The following PAAF1 variants were observed in gnomAD, a reference collection of about 807,000 sequenced individuals.
PAAF1 encodes the protein proteasomal ATPase associated factor 1, also known as proteasomal ATPase-associated factor 1.
In PAAF1, 46 loss-of-function variants were observed where a neutral mutation model predicts 52.8. The ratio of observed to expected loss-of-function variants is 0.87; its 90% CI spans 0.69 to 1.11. The LOEUF (loss-of-function observed/expected upper bound fraction) is 1.11, where lower values mean the gene tolerates loss of function less well. Ranked by LOEUF, PAAF1 falls within the 50% of genes most tolerant of loss-of-function variation. PAAF1 has a pLI of 0.00. For missense variants in PAAF1, 424 were observed against 477.4 expected (o/e 0.89, Z 1.04); for synonymous variants, 178 against 172.8 (o/e 1.03, Z -0.24).
chr11:73,905,284 C>T (rs1034697909), intron 6 of PAAF1, among the ~76,000 whole-genome samples: 2 of 151,690 alleles, frequency 1.3e-5, no homozygotes, highest in African/African-American at 4.8e-5. Flanking sequence ...TGTGCAGTGG[C>T]GTGATCTCAG....
chr11:73,915,579 G>C (rs567520787), intron 8 of PAAF1, among the ~76,000 whole-genome samples: 1 of 152,314 alleles, frequency 6.6e-6, no homozygotes, highest in South Asian at 2.1e-4. Flanking sequence ...CTGTACTCCA[G>C]CCTGGGGAAC....
intron 6 of PAAF1, among the ~76,000 whole-genome samples, chr11:73,900,918 C>T (rs910321634): frequency 7.6e-6 from 1 of 131,622 alleles, no homozygotes; most frequent in South Asian, 2.5e-4. Context: ...GGAGGCGGAG[C>T]TTGCAGTGAG....
intron 8 of PAAF1, among the ~76,000 whole-genome samples, chr11:73,914,841 G>A (rs886728626): frequency 2.0e-5 from 3 of 151,676 alleles, no homozygotes; most frequent in Admixed American, 1.3e-4. Flanking sequence ...CTGAGTAGCT[G>A]GGATTACAAG....
At chr11:73,897,290 C>T (rs1313980410) in intron 4 of PAAF1, among the ~76,000 whole-genome samples, 1 of 151,724 alleles carries the variant, frequency 6.6e-6, no homozygotes, top group African/African-American at 2.4e-5. Context: ...GGGCTGACCC[C>T]CCCACTTCCC....
intron 4 of PAAF1, among the ~76,000 whole-genome samples, chr11:73,898,250 A>AGAGGGAGAG (rs1565135471): frequency 3.3e-5 from 4 of 123,042 alleles, no homozygotes; most frequent in Non-Finnish European, 5.4e-5. Flanking sequence ...GAGAGGGAGA[A>AGAGGGAGAG]GGAGAGGGAG....
At position 73,909,571 on chromosome 11, in the gene PAAF1, T is replaced by C; in HGVS notation, c.705T>C (p.Leu235=). ...GTGCTGCTGACAACTCCATAAACCTTGGCTCCCCTGAGCAGATGCCCAGTA... is the reference window on the plus strand; with the variant it reads ...GTGCTGCTGACAACTCCATAAACCTCGGCTCCCCTGAGCAGATGCCCAGTA... ...AVGAADNSIN[L]GSPEQMPSER... The change falls in exon 7 of 12, where the codon CTT becomes CTC. Residue 235 remains leucine (L), a synonymous_variant. Coordinates refer to ENST00000310571, the MANE Select transcript of PAAF1 (RefSeq NM_025155.3). 1 of 1,614,198 alleles carries C rather than the reference T, an allele frequency of 6.2e-7. No homozygotes were observed. Among genetic ancestry groups the C allele is most frequent in the Non-Finnish European group, 8.5e-7 (1 of 1,180,020 alleles).
chr11:73,909,351 G>T, intron 6 of PAAF1, 48 bp from the exon 7 acceptor site: 1 of 1,571,034 alleles, frequency 6.4e-7, no homozygotes, highest in Non-Finnish European at 8.7e-7. Flanking sequence ...TGCCCTTGTA[G>T]TTCCTTTACT....
At chr11:73,919,115 G>A in intron 10 of PAAF1, 83 bp downstream of exon 10, 1 of 1,259,426 alleles carries the variant, frequency 7.9e-7, no homozygotes, top group South Asian at 1.3e-5. Context: ...ATCTATGGCT[G>A]GGTTGGGGCA....
upstream of PAAF1, chr11:73,876,825 G>A (rs1948755149): frequency 8.1e-6 from 4 of 492,192 alleles, no homozygotes; most frequent in Non-Finnish European, 1.3e-5. Context: ...CAGGCGGTTG[G>A]GGATCCTCTG....
chr11:73,910,156 C>T lies in PAAF1; in HGVS notation c.727+563C>T, dbSNP rs183640990. 5.1e-4 allele frequency among the ~76,000 whole-genome samples: 78 copies of T among 152,286 alleles called. 1 individual carries two copies. The East Asian group carries it at 0.013, about 26-fold the overall frequency. Reference sequence around the variant, plus strand: ...CAGGCTGGCATTGAACTCCTGGGCTCAAGTGATGCTCCCACCACAGCCTCC... The same window carrying T: ...CAGGCTGGCATTGAACTCCTGGGCTTAAGTGATGCTCCCACCACAGCCTCC... On this transcript the variant is annotated intron_variant, in intron 7 of 11. Coordinates refer to ENST00000310571, the MANE Select transcript of PAAF1 (RefSeq NM_025155.3).
intron 10 of PAAF1, chr11:73,922,048 AC>A: frequency 1.2e-6 from 1 of 826,968 alleles, no homozygotes. Context: ...TTGGCCTTGA[AC>A]TAATAGATGG....
At chr11:73,891,952 G>A (rs1474804159) in intron 4 of PAAF1, among the ~76,000 whole-genome samples, 1 of 152,126 alleles carries the variant, frequency 6.6e-6, no homozygotes, top group East Asian at 1.9e-4. Context: ...CTTCTTGGAA[G>A]CAGAAGTGAG....
chr11:73,911,032 C>T (rs1049496935), intron 7 of PAAF1, among the ~76,000 whole-genome samples: 3 of 149,780 alleles, frequency 2.0e-5, no homozygotes, highest in South Asian at 2.1e-4. Flanking sequence ...TTCTTATATA[C>T]CTTTTGCCTT....
Position 73,916,632 on chromosome 11 carries a change from AT to A in PAAF1, c.910del (p.Tyr304IlefsTer5). On this transcript the variant is annotated frameshift_variant, in exon 9 of 12. Coordinates refer to ENST00000310571, the MANE Select transcript of PAAF1 (RefSeq NM_025155.3). LOFTEE classifies it high-confidence loss of function. The part of the protein sequence containing the change: ...LLLAGTQDGN[I>X]YQLDVRSPRA... ...ATTGGCTGGGACTCAAGATGGAAAC[AT>A]TTATCAGCTGGATGTGAGGAGTCCA... 1 of 1,614,028 alleles carries A rather than the reference AT, an allele frequency of 6.2e-7. No homozygotes were observed. The highest frequency in any genetic ancestry group is 8.5e-7 in the Non-Finnish European group (1 of 1,179,926).
chr11:73,923,362 A>C (rs905023823), intron 10 of PAAF1, among the ~76,000 whole-genome samples: 2 of 152,120 alleles, frequency 1.3e-5, no homozygotes, highest in Non-Finnish European at 2.9e-5. Context: ...TTTATGCATA[A>C]AGACATTCGT....
intron 2 of PAAF1, among the ~76,000 whole-genome samples, chr11:73,880,859 G>A (rs150774895): frequency 0.013 from 2,036 of 151,306 alleles, 41 homozygotes; most frequent in African/African-American, 0.047. Flanking sequence ...AATTACCTGG[G>A]CGTGGTGGTG....
chr11:73,901,119 C>G (rs933983144), intron 6 of PAAF1, among the ~76,000 whole-genome samples: 3 of 148,552 alleles, frequency 2.0e-5, no homozygotes, highest in Non-Finnish European at 4.4e-5. Flanking sequence ...GGAGATGTGT[C>G]TGCATTTTCT....
At chr11:73,900,839 G>A (rs7927396) in intron 6 of PAAF1, among the ~76,000 whole-genome samples, 18,586 of 151,204 alleles carry the variant, frequency 0.12, 1,078 homozygotes, top group Admixed American at 0.15. Context: ...AAAATTAGCC[G>A]GGCGTAGTGG....
At chr11:73,920,729 A>G (rs1401885372) in intron 10 of PAAF1, among the ~76,000 whole-genome samples, 2 of 150,136 alleles carry the variant, frequency 1.3e-5, no homozygotes, top group Non-Finnish European at 3.0e-5. Context: ...GCACACATCT[A>G]TAGTCCCAAC....
Sources: allele counts gnomAD v4.1 joint callset (sites outside exome capture counted in the v4.1 genomes callset), GRCh38; gene constraint gnomAD v4.1.1; transcripts MANE v1.5; gene names NCBI Gene and HGNC (gene_info 2026-07-23, HGNC 2026-07-21).